Variants in BRAF observed in about 807,000 individuals in gnomAD.
The protein encoded by BRAF is B-Raf proto-oncogene, serine/threonine kinase.
Under a neutral mutation model 104.6 loss-of-function variants are expected in BRAF, and 16 were observed. The observed-to-expected ratio is 0.15, with a 90% CI of 0.10 to 0.23. BRAF has a LOEUF of 0.23. Among genes scored for constraint, BRAF ranks in the 10% least tolerant of loss-of-function variants. BRAF has a pLI of 1.00. For synonymous variants in BRAF, 310 were observed against 341.6 expected (o/e 0.91, Z 1.02); for missense variants, 541 against 937.3 (o/e 0.58, Z 5.52).
Position 140,924,425 on chromosome 7 carries a change from T to C in BRAF, c.138+141A>G, listed in dbSNP as rs1252772452. On this transcript the variant is annotated intron_variant, in intron 1 of 19. Transcript: ENST00000644969. The surrounding 1 kb of genome is among the most constrained non-coding windows in gnomAD (Gnocchi z 4.2). ...ATGACGGAGAGGGACACGGGGGCGA[T>C]GCCCACCTCCCAGCCCGCGGAGCTG... The C allele has an allele frequency of 7.2e-6, 9 of 1,258,644 alleles. No individual in the cohort carries two copies. In the African/African-American group the frequency reaches 9.1e-5, roughly 13 times the overall value. 78.0% of individuals were successfully genotyped at this position (1,258,644 alleles called of 1,614,324 possible).
At chr7:140,806,945 G>T (rs578233920) in intron 5 of BRAF, among the ~76,000 whole-genome samples, 3 of 152,086 alleles carry the variant, frequency 2.0e-5, no homozygotes, top group Non-Finnish European at 4.4e-5. Context: ...AACACTTGAC[G>T]CCTAAAGGGT....
chr7:140,790,484 T>C (rs1801839629), intron 8 of BRAF, among the ~76,000 whole-genome samples: 1 of 152,192 alleles, frequency 6.6e-6, no homozygotes, highest in African/African-American at 2.4e-5. Flanking sequence ...ACTTTTCTGC[T>C]CTAATATCTA....
intron 3 of BRAF, among the ~76,000 whole-genome samples, chr7:140,826,415 G>A (rs887631114): frequency 1.3e-5 from 2 of 152,062 alleles, no homozygotes; most frequent in East Asian, 1.9e-4. Context: ...AATTAACATC[G>A]AAATTTTCTT....
chr7:140,808,626 C>T (rs139466840), intron 4 of BRAF, among the ~76,000 whole-genome samples: 1 of 152,076 alleles, frequency 6.6e-6, no homozygotes, highest in East Asian at 1.9e-4. Context: ...AAATAAATCA[C>T]ACTCTGAATG....
At chr7:140,787,255 C>A (rs1042253765) in intron 9 of BRAF, among the ~76,000 whole-genome samples, 1 of 143,920 alleles carries the variant, frequency 6.9e-6, no homozygotes, top group African/African-American at 2.6e-5. Flanking sequence ...GAGCCGAGAT[C>A]GCGCCACTGC....
At chr7:140,903,881 G>A (rs1815976125) in intron 1 of BRAF, among the ~76,000 whole-genome samples, 3 of 152,200 alleles carry the variant, frequency 2.0e-5, no homozygotes, top group Non-Finnish European at 1.5e-5. Context: ...CTACATTTAG[G>A]AGTGGAACCT....
chr7:140,842,700 T>C (rs1279717962), intron 2 of BRAF, among the ~76,000 whole-genome samples: 3 of 152,190 alleles, frequency 2.0e-5, no homozygotes, highest in Admixed American at 6.5e-5. Context: ...TTATCTTTTC[T>C]TCCTTTGGAT....
In BRAF at chr7:140,785,814, A is replaced by G; in HGVS notation, c.1178-6T>C. 1 of 399,050 alleles carries G rather than the reference A, an allele frequency of 2.5e-6. No individual in the cohort carries two copies. The highest frequency in any genetic ancestry group is 4.4e-6 in the Non-Finnish European group (1 of 226,072). The allele number at this position is 399,050 out of a possible 1,614,324, so 24.7% of individuals were successfully genotyped here. On this transcript the variant is annotated splice_polypyrimidine_tract_variant and splice_region_variant and intron_variant, in intron 9 of 19. Transcript: ENST00000644969. ...CATCAGCTGGTTCAAAGGGGCTGTTAGAAGAGAAAGAGAGGGGCAGGCAAA... is the reference window on the plus strand; with the variant it reads ...CATCAGCTGGTTCAAAGGGGCTGTTGGAAGAGAAAGAGAGGGGCAGGCAAA...
chr7:140,725,629 A>G lies in BRAF; in HGVS notation c.*865T>C. The stretch of plus-strand genomic sequence containing the variant: ...CCCTGGACAAAGTAGCCGCATAAGT[A>G]GTTGGTGACTGGAAGAGCATAGGAG... On this transcript the variant is annotated 3_prime_UTR_variant, in exon 20 of 20. Coordinates refer to ENST00000644969, the MANE Select transcript of BRAF (RefSeq NM_001374258.1). 2 of 1,057,748 alleles carry G rather than the reference A, an allele frequency of 1.9e-6. No individual in the cohort carries two copies. Among genetic ancestry groups the G allele is most frequent in the Non-Finnish European group, 2.3e-6 (2 of 874,598 alleles). 65.5% of individuals were successfully genotyped at this position (1,057,748 alleles called of 1,614,324 possible).
At chr7:140,786,503 C>T (rs1390924289) in intron 9 of BRAF, among the ~76,000 whole-genome samples, 2 of 152,112 alleles carry the variant, frequency 1.3e-5, no homozygotes, top group African/African-American at 4.8e-5. Context: ...TCAAATATCA[C>T]CTCTTATAAA....
intron 3 of BRAF, among the ~76,000 whole-genome samples, chr7:140,815,439 T>C (rs1339704391): frequency 2.8e-5 from 4 of 141,382 alleles, no homozygotes; most frequent in Non-Finnish European, 6.1e-5. Context: ...GCCATTTTTT[T>C]TTTTTTTTTT....
intron 1 of BRAF, among the ~76,000 whole-genome samples, chr7:140,872,501 T>C (rs571313243): frequency 2.4e-4 from 37 of 152,248 alleles, no homozygotes; most frequent in African/African-American, 8.9e-4. Flanking sequence ...AATTTAAGAA[T>C]TTCTCCTTGA....
chr7:140,806,533 T>G (rs1227573627), intron 5 of BRAF, among the ~76,000 whole-genome samples: 1 of 152,200 alleles, frequency 6.6e-6, no homozygotes, highest in Admixed American at 6.5e-5. Context: ...AGGACCTTCC[T>G]GAGGCATCAT....
At chr7:140,841,113 G>T (rs1807915850) in intron 2 of BRAF, among the ~76,000 whole-genome samples, 1 of 151,958 alleles carries the variant, frequency 6.6e-6, no homozygotes, top group African/African-American at 2.4e-5. Flanking sequence ...ATATACAAAT[G>T]GCTAACAAGA....
At chr7:140,843,172 G>T (rs1258691515) in intron 2 of BRAF, among the ~76,000 whole-genome samples, 1 of 152,206 alleles carries the variant, frequency 6.6e-6, no homozygotes, top group Non-Finnish European at 1.5e-5. Context: ...GGGGTGATAT[G>T]TGACCTCATT....
At chr7:140,734,939 T>C (rs188681570) in intron 18 of BRAF, among the ~76,000 whole-genome samples, 169 bp from the exon 18 acceptor site, 6 of 152,202 alleles carry the variant, frequency 3.9e-5, no homozygotes, top group African/African-American at 4.8e-5. Context: ...GTTTTCAGCA[T>C]TGTCATAAAT....
intron 1 of BRAF, among the ~76,000 whole-genome samples, chr7:140,879,708 G>C (rs1336270714): frequency 6.6e-6 from 1 of 150,942 alleles, no homozygotes; most frequent in Non-Finnish European, 1.5e-5. Context: ...GTTGCTAAAG[G>C]TTAGGGTGAC....
At chr7:140,814,371 T>C (rs1302595327) in intron 3 of BRAF, among the ~76,000 whole-genome samples, 1 of 152,112 alleles carries the variant, frequency 6.6e-6, no homozygotes, top group African/African-American at 2.4e-5. Flanking sequence ...ATGTTTAAAA[T>C]TTTCCATAGT....
intron 19 of BRAF, among the ~76,000 whole-genome samples, chr7:140,729,229 C>T (rs567296284): frequency 2.6e-5 from 4 of 151,750 alleles, no homozygotes; most frequent in African/African-American, 9.7e-5. Flanking sequence ...AACCCTGTCT[C>T]GAAAACAAAA....
Sources: allele counts gnomAD v4.1 joint callset (sites outside exome capture counted in the v4.1 genomes callset), GRCh38; gene constraint gnomAD v4.1.1; non-coding constraint Gnocchi (gnomAD v3.1); transcripts MANE v1.5; gene names NCBI Gene and HGNC (gene_info 2026-07-23, HGNC 2026-07-21).